Variants in PROM2 observed in about 807,000 individuals in gnomAD.
PROM2 encodes prominin 2.
PROM2 carries 90 observed loss-of-function variants against 110.2 expected under a neutral mutation model. The observed-to-expected ratio is 0.82, with a 90% CI of 0.69 to 0.97. The LOEUF is 0.97. Ranked by LOEUF, PROM2 falls within the 50% of genes least tolerant of loss-of-function variation. The probability of loss-of-function intolerance (pLI) is 0.00; values close to 1 mark genes in which losing one functional copy is unlikely to be tolerated. For missense variants in PROM2, 1,009 were observed against 1,074.8 expected (o/e 0.94, Z 0.86); for synonymous variants, 470 against 467.8 (o/e 1.00, Z -0.06).
rs1677392784 is a variant in PROM2 at position 95,286,856 on chromosome 2, A to G, written c.2093A>G (p.Gln698Arg). Residue 698 changes from glutamine to arginine, a missense_variant and splice_region_variant, in exon 18 of 24, where the codon CAG becomes CGG. By Grantham distance (43) the Gln-to-Arg change is conservative. Transcript: ENST00000317620. ...CTGGAGTCCTCTGCCCCGAATCTCCAGGTGGCTGCTGTTGGTGGGGACGTA... is the reference window on the plus strand; with the variant it reads ...CTGGAGTCCTCTGCCCCGAATCTCCGGGTGGCTGCTGTTGGTGGGGACGTA... ...RALESSAPNL[Q>R]LETSDVLANV... is the part of the protein sequence containing the mutation. The G allele has an allele frequency of 6.2e-7, 1 of 1,613,630 alleles. No individual in the cohort carries two copies. Among genetic ancestry groups the G allele is most frequent in the Non-Finnish European group, 8.5e-7 (1 of 1,179,914 alleles).
chr2:95,280,802 C>A (rs756564363), intron 11 of PROM2, among the ~76,000 whole-genome samples: 3 of 152,082 alleles, frequency 2.0e-5, no homozygotes, highest in South Asian at 2.1e-4. Context: ...GTGCCACCAC[C>A]CCCAGCTAAT....
chr2:95,284,118 G>C (rs1165635024), intron 14 of PROM2, among the ~76,000 whole-genome samples: 1 of 152,230 alleles, frequency 6.6e-6, no homozygotes, highest in Non-Finnish European at 1.5e-5. Flanking sequence ...GGGGCCTACT[G>C]GGAGCCTGTC....
intron 14 of PROM2, among the ~76,000 whole-genome samples, chr2:95,283,124 C>T (rs756699795): frequency 3.9e-5 from 6 of 152,242 alleles, no homozygotes; most frequent in Non-Finnish European, 7.3e-5. Flanking sequence ...CAGACAGGAG[C>T]TCCCCGAGCA....
Position 95,279,852 on chromosome 2 carries a change from G to T in PROM2, c.1282G>T (p.Val428Leu). The change falls in exon 11 of 24, where the codon GTG becomes TTG. Residue 428 changes from valine (V) to leucine (L), a missense_variant. Coordinates refer to ENST00000317620, the MANE Select transcript of PROM2 (RefSeq NM_001165978.3). ...ATGTCCTCTCTGTGGCAGGTGGATC[G>T]TGGGCTGCGTGCTGTGCTCCGTGGT... ...VQRYETYRWI[V>L]GCVLCSVVLF... The T allele has an allele frequency of 6.9e-7, 1 of 1,459,594 alleles. No homozygotes were observed. 90.4% of individuals were successfully genotyped at this position (1,459,594 alleles called of 1,614,324 possible).
In PROM2 at chr2:95,286,461, AT is replaced by A; in HGVS notation, c.1948-13del. On this transcript the variant is annotated splice_polypyrimidine_tract_variant and intron_variant, in intron 16 of 23. Coordinates refer to ENST00000317620, the MANE Select transcript of PROM2 (RefSeq NM_001165978.3). Reference sequence around the variant, plus strand: ...ATGGGTCCTGGGCGGGGCCGTTCTGATTTTTGTATCCTTTCAGGACAATTCT... The same window carrying A: ...ATGGGTCCTGGGCGGGGCCGTTCTGATTTTGTATCCTTTCAGGACAATTCT... 1 of 1,611,742 alleles carries A rather than the reference AT, an allele frequency of 6.2e-7. No individual in the cohort carries two copies. Among genetic ancestry groups the A allele is most frequent in the Non-Finnish European group, 8.5e-7 (1 of 1,178,458 alleles).
intron 8 of PROM2, 104 bp from the exon 9 acceptor site, chr2:95,278,617 G>T (rs1341193155): frequency 1.6e-6 from 2 of 1,285,722 alleles, no homozygotes; most frequent in Non-Finnish European, 2.3e-6. Flanking sequence ...GGGAAACTGG[G>T]AGCACTGAGG....
chr2:95,281,729 T>G (rs1226044268), intron 12 of PROM2, among the ~76,000 whole-genome samples, 196 bp from the exon 13 acceptor site: 1 of 151,954 alleles, frequency 6.6e-6, no homozygotes. Context: ...TCCTAGGGAT[T>G]CATGGGAAGA....
rs774486616 is a variant in PROM2, at chr2:95,276,007, G to A, written c.372G>A (p.Gly124=). 6.2e-7 allele frequency: 1 copy of A among 1,611,930 alleles called. No individual in the cohort carries two copies. Among genetic ancestry groups the A allele is most frequent in the Non-Finnish European group, 8.5e-7 (1 of 1,179,846 alleles). The change falls in exon 3 of 24, where the codon GGG becomes GGA. Residue 124 remains glycine (G), a synonymous_variant. Transcript: ENST00000317620. The surrounding 1 kb of genome is among the most constrained non-coding windows in gnomAD (Gnocchi z 4.6). The part of the protein sequence containing the change: ...GLYLLLVPTA[G]LCFCCCRCHR... ...ACCTGCTGCTGGTGCCCACTGCCGG[G>A]CTTTGCTTCTGCTGCTGCCGCTGCC...
chr2:95,282,617 G>A (rs765040646), intron 14 of PROM2, among the ~76,000 whole-genome samples: 3 of 152,184 alleles, frequency 2.0e-5, no homozygotes, highest in Non-Finnish European at 4.4e-5. Context: ...TAACGTTGGT[G>A]GAGGGCCTGC....
rs1676538291 is a variant in PROM2 at position 95,274,685 on chromosome 2, G to A, written c.100G>A (p.Gly34Ser). 6.2e-6 allele frequency: 10 copies of A among 1,612,956 alleles called. No individual in the cohort carries two copies. The highest frequency in any genetic ancestry group is 8.5e-6 in the Non-Finnish European group (10 of 1,179,864). Residue 34 changes from glycine to serine, a missense_variant, in exon 1 of 24, where the codon GGC (glycine) becomes AGC (serine). Transcript: ENST00000317620. ...AGGGGCCACAGACTGCAAGTTCCTT[G>A]GCCCGGCAGAGCACCTGACATTCAC... ...AAGATDCKFLGPAEHLTFTPA... is the reference protein window; with the variant it reads ...AAGATDCKFLSPAEHLTFTPA...
rs1440175650 is a variant in PROM2, at chr2:95,278,977, T to C, written c.1115-8T>C. 1 of 1,599,450 alleles carries C rather than the reference T, an allele frequency of 6.3e-7. No homozygotes were observed. The highest frequency in any genetic ancestry group is 8.5e-7 in the Non-Finnish European group (1 of 1,171,298). On this transcript the variant is annotated splice_polypyrimidine_tract_variant and splice_region_variant and intron_variant, in intron 9 of 23. Transcript: ENST00000317620. ...CCGCATCCCACAAGTCCCTGTTACTTTGGGCAGAGCTGAAGAAGGCAGTGG... is the reference window on the plus strand; with the variant it reads ...CCGCATCCCACAAGTCCCTGTTACTCTGGGCAGAGCTGAAGAAGGCAGTGG...
chr2:95,287,587 C>A, intron 20 of PROM2, 123 bp downstream of exon 20: 1 of 891,832 alleles, frequency 1.1e-6, no homozygotes, highest in Non-Finnish European at 1.7e-6. Flanking sequence ...AGGATCAAAC[C>A]CAAACTCCCA....
chr2:95,278,206 G>A (rs894688749), intron 8 of PROM2: 20 of 600,270 alleles, frequency 3.3e-5, no homozygotes, highest in Middle Eastern at 3.1e-4. Context: ...CCTTCAAGGC[G>A]GCAGGCGTCT....
chr2:95,278,377 G>T (rs1676805331), intron 8 of PROM2: 1 of 531,288 alleles, frequency 1.9e-6, no homozygotes, highest in Non-Finnish European at 3.4e-6. Context: ...GGTGGCTGGA[G>T]TGGAAGGTTC....
chr2:95,275,846 T>G lies in PROM2; in HGVS notation c.295-84T>G. ...ATGCCCCTGACGGCACTCCCGCCCC[T>G]TCTGGTTTCCCTCTGGACTCAGGCA... On this transcript the variant is annotated intron_variant, in intron 2 of 23. Transcript: ENST00000317620. This position sits in a 1 kb window ranked among gnomAD's most constrained non-coding sequence, Gnocchi z 4.4. 6.5e-7 allele frequency: 1 copy of G among 1,540,314 alleles called. No individual in the cohort carries two copies. The highest frequency in any genetic ancestry group is 8.7e-7 in the Non-Finnish European group (1 of 1,146,426).
In PROM2 at chr2:95,276,677, G is replaced by A; in HGVS notation, c.682+20G>A. On this transcript the variant is annotated intron_variant, in intron 5 of 23. Transcript: ENST00000317620. The surrounding 1 kb of genome is among the most constrained non-coding windows in gnomAD (Gnocchi z 4.6). ...TGGATGGTGAGGGTCTCGGGGACTG[G>A]CAGGTGGGCTGGCTCCTTCCAGGGC... 1 of 1,612,208 alleles carries A rather than the reference G, an allele frequency of 6.2e-7. No individual in the cohort carries two copies. Among genetic ancestry groups the A allele is most frequent in the Non-Finnish European group, 8.5e-7 (1 of 1,179,856 alleles).
In PROM2 at chr2:95,290,624, G is replaced by C. The variant is rs1401535065; in HGVS notation, c.*1411G>C. ...TGAAAATCAAATGTGATAATTTGTG[G>C]AAAGCCCTTAGCAGTGGCCTGGCAC... On this transcript the variant is annotated 3_prime_UTR_variant, in exon 24 of 24. Coordinates refer to ENST00000317620, the MANE Select transcript of PROM2 (RefSeq NM_001165978.3). 6.6e-6 allele frequency: 1 copy of C among 152,224 alleles called. No homozygotes were observed. Among genetic ancestry groups the C allele is most frequent in the African/African-American group, 2.4e-5 (1 of 41,450 alleles). 9.4% of individuals were successfully genotyped at this position (152,224 alleles called of 1,614,324 possible).
In PROM2 at chr2:95,276,514, A is replaced by T; in HGVS notation, c.619-80A>T. On this transcript the variant is annotated intron_variant, in intron 4 of 23. Coordinates refer to ENST00000317620, the MANE Select transcript of PROM2 (RefSeq NM_001165978.3). The surrounding 1 kb of genome is among the most constrained non-coding windows in gnomAD (Gnocchi z 4.6). ...CCCTCAGGGTGGATGCCATAGGGGC[A>T]GGGAAGGGGCCAGGGAGAGAAGGGC... 3 of 1,605,098 alleles carry T rather than the reference A, an allele frequency of 1.9e-6. No individual in the cohort carries two copies. The highest frequency in any genetic ancestry group is 2.6e-6 in the Non-Finnish European group (3 of 1,172,424).
chr2:95,278,212 C>T (rs1344460022), intron 8 of PROM2: 6 of 596,940 alleles, frequency 1.0e-5, no homozygotes, highest in African/African-American at 5.6e-5. Flanking sequence ...AGGCGGCAGG[C>T]GTCTGGGGGT....
Sources: allele counts gnomAD v4.1 joint callset (sites outside exome capture counted in the v4.1 genomes callset), GRCh38; gene constraint gnomAD v4.1.1; non-coding constraint Gnocchi (gnomAD v3.1); transcripts MANE v1.5; gene names NCBI Gene and HGNC (gene_info 2026-07-23, HGNC 2026-07-21).